Variants in ZSWIM6 observed in about 807,000 individuals in gnomAD.
The protein encoded by ZSWIM6 is zinc finger SWIM-type containing 6, also known as zinc finger SWIM domain-containing protein 6.
ZSWIM6 carries 9 observed loss-of-function variants against 113.2 expected under a neutral mutation model. The observed-to-expected ratio is 0.08, with a 90% CI of 0.05 to 0.14. The LOEUF is 0.14. Ranked by LOEUF, ZSWIM6 falls within the 10% of genes least tolerant of loss-of-function variation. ZSWIM6 has a pLI of 1.00. For missense variants in ZSWIM6, 1,162 were observed against 1,552.2 expected (o/e 0.75, Z 4.22); for synonymous variants, 611 against 606.5 (o/e 1.01, Z -0.11).
At chr5:61,461,124 A>G (rs1747315424) in intron 1 of ZSWIM6, among the ~76,000 whole-genome samples, 1 of 152,286 alleles carries the variant, frequency 6.6e-6, no homozygotes, top group Non-Finnish European at 1.5e-5. Flanking sequence ...CAGTGACACA[A>G]ATGTGACTGC....
intron 1 of ZSWIM6, among the ~76,000 whole-genome samples, chr5:61,341,620 AT>A (rs1242593559): frequency 1.3e-5 from 2 of 152,270 alleles, no homozygotes; most frequent in East Asian, 3.9e-4. Flanking sequence ...ATAATAAAGA[AT>A]TTGCTGAAAG....
intron 1 of ZSWIM6, among the ~76,000 whole-genome samples, chr5:61,408,092 A>G (rs1046054986): frequency 6.6e-5 from 10 of 152,256 alleles, no homozygotes; most frequent in Non-Finnish European, 1.2e-4. Context: ...ATGCTCATAT[A>G]TAGGGGACTG....
At position 61,543,368 on chromosome 5, in the gene ZSWIM6, G is replaced by GT; in HGVS notation, c.2786-86dup. ...CTCATGTCCTATGATGGTTAACAAT[G>GT]TAAACACTGGTTGTAAAAGTCAAAA... On this transcript the variant is annotated intron_variant, in intron 13 of 13. Coordinates refer to ENST00000252744, the MANE Select transcript of ZSWIM6 (RefSeq NM_020928.2). This position sits in a 1 kb window ranked among gnomAD's most constrained non-coding sequence, Gnocchi z 4.3. 1 of 1,438,916 alleles carries GT rather than the reference G, an allele frequency of 6.9e-7. No homozygotes were observed. Among genetic ancestry groups the GT allele is most frequent in the Non-Finnish European group, 9.2e-7 (1 of 1,086,570 alleles). 89.1% of individuals were successfully genotyped at this position (1,438,916 alleles called of 1,614,324 possible).
intron 4 of ZSWIM6, among the ~76,000 whole-genome samples, chr5:61,513,565 A>G (rs751711761): frequency 6.6e-6 from 1 of 152,108 alleles, no homozygotes; most frequent in Non-Finnish European, 1.5e-5. Context: ...CAAGGTTACA[A>G]TGATTTTCTC....
intron 7 of ZSWIM6, among the ~76,000 whole-genome samples, chr5:61,527,538 C>T (rs1053017483): frequency 6.6e-6 from 1 of 152,062 alleles, no homozygotes; most frequent in Admixed American, 6.6e-5. Flanking sequence ...GTGAGAGCCC[C>T]GATTGTCGTG....
chr5:61,508,090 G>A (rs1354402217), intron 4 of ZSWIM6, among the ~76,000 whole-genome samples: 1 of 152,062 alleles, frequency 6.6e-6, no homozygotes, highest in South Asian at 2.1e-4. Flanking sequence ...TCTATAAAGC[G>A]GGCTTCTTTT....
chr5:61,393,381 C>T (rs549492909), intron 1 of ZSWIM6, among the ~76,000 whole-genome samples: 1 of 152,224 alleles, frequency 6.6e-6, no homozygotes, highest in South Asian at 2.1e-4. Context: ...CAGTTTTTCA[C>T]TATTATGAAC....
intron 1 of ZSWIM6, chr5:61,391,689 G>T (rs895824777): frequency 3.2e-5 from 36 of 1,122,568 alleles, no homozygotes; most frequent in Non-Finnish European, 4.6e-5. Context: ...ATCCTGGCCT[G>T]TCGACTTCCC....
At chr5:61,371,568 G>A (rs1202092581) in intron 1 of ZSWIM6, among the ~76,000 whole-genome samples, 1 of 152,192 alleles carries the variant, frequency 6.6e-6, no homozygotes, top group African/African-American at 2.4e-5. Flanking sequence ...TTTAGAAGTA[G>A]TTGGCAAGAT....
intron 1 of ZSWIM6, among the ~76,000 whole-genome samples, chr5:61,467,500 G>A (rs888152459): frequency 1.3e-5 from 2 of 152,118 alleles, no homozygotes; most frequent in Non-Finnish European, 2.9e-5. Context: ...CATTAATGAA[G>A]AAGATTTTAA....
chr5:61,333,006 G>T (rs940259134), intron 1 of ZSWIM6, 58 bp downstream of exon 1: 5 of 685,000 alleles, frequency 7.3e-6, no homozygotes, highest in Non-Finnish European at 9.7e-6. Flanking sequence ...GGGTGGGGGG[G>T]GGGTGCCCGC....
At chr5:61,373,144 A>G (rs1000761617) in intron 1 of ZSWIM6, among the ~76,000 whole-genome samples, 1 of 152,062 alleles carries the variant, frequency 6.6e-6, no homozygotes, top group African/African-American at 2.4e-5. Flanking sequence ...GTGGGGTCTT[A>G]GTATGTTGCC....
At chr5:61,349,787 T>C (rs1169553969) in intron 1 of ZSWIM6, among the ~76,000 whole-genome samples, 2 of 152,234 alleles carry the variant, frequency 1.3e-5, no homozygotes, top group Admixed American at 6.5e-5. Context: ...TTTTGAATTA[T>C]AAATGCCTTT....
intron 1 of ZSWIM6, among the ~76,000 whole-genome samples, chr5:61,373,340 T>G (rs1419403995): frequency 6.6e-6 from 1 of 151,930 alleles, no homozygotes; most frequent in Admixed American, 6.6e-5. Context: ...TTAGAACATT[T>G]TGACTACTAA....
chr5:61,408,949 C>G (rs765300455), intron 1 of ZSWIM6, among the ~76,000 whole-genome samples: 1 of 150,276 alleles, frequency 6.7e-6, no homozygotes, highest in African/African-American at 2.5e-5. Flanking sequence ...ACTGATGGCG[C>G]GGGGGCGGGG....
chr5:61,426,360 GTATTTTT>G (rs1746461702), intron 1 of ZSWIM6, among the ~76,000 whole-genome samples: 1 of 152,162 alleles, frequency 6.6e-6, no homozygotes. Flanking sequence ...CTCCATTAAT[GTATTTTT>G]AACATTTTAC....
chr5:61,335,860 A>G (rs552020812), intron 1 of ZSWIM6, among the ~76,000 whole-genome samples: 5 of 152,262 alleles, frequency 3.3e-5, no homozygotes, highest in Admixed American at 2.6e-4. Context: ...AGGGAAAAAA[A>G]TAAACCTTTG....
At chr5:61,479,695 C>T (rs1747804881) in intron 2 of ZSWIM6, among the ~76,000 whole-genome samples, 1 of 152,164 alleles carries the variant, frequency 6.6e-6, no homozygotes, top group Admixed American at 6.5e-5. Context: ...AATACTGGCC[C>T]TTTGCTTTCC....
At chr5:61,517,188 A>G (rs1318166059) in intron 4 of ZSWIM6, among the ~76,000 whole-genome samples, 2 of 151,946 alleles carry the variant, frequency 1.3e-5, no homozygotes, top group Non-Finnish European at 2.9e-5. Context: ...TCTTTCTCCA[A>G]ATTTGGGAGG....
Sources: gnomAD v4.1 joint callset for allele counts (sites outside exome capture counted in the v4.1 genomes callset) on GRCh38, gnomAD v4.1.1 for gene constraint, Gnocchi (gnomAD v3.1) non-coding constraint, MANE v1.5 for transcripts, NCBI Gene and HGNC (gene_info 2026-07-23, HGNC 2026-07-21) for gene names.